The following CDKAL1 variants were observed in gnomAD, a reference collection of about 807,000 sequenced individuals.
The protein encoded by CDKAL1 is CDKAL1 threonylcarbamoyladenosine tRNA methylthiotransferase.
A neutral mutation model predicts 68.2 loss-of-function variants in CDKAL1; 32 were observed. The observed-to-expected ratio is 0.47, with a 90% CI of 0.35 to 0.63. The LOEUF (loss-of-function observed/expected upper bound fraction) is 0.63. Ranked by LOEUF, CDKAL1 falls within the 30% of genes least tolerant of loss-of-function variation. The pLI, the probability that CDKAL1 is intolerant of heterozygous loss-of-function variation, is 0.00. For synonymous variants in CDKAL1, 234 were observed against 244.3 expected (o/e 0.96, Z 0.39); for missense variants, 606 against 696.7 (o/e 0.87, Z 1.47).
chr6:21,062,148 T>C (rs575272400), intron 11 of CDKAL1, among the ~76,000 whole-genome samples: 1 of 152,354 alleles, frequency 6.6e-6, no homozygotes, highest in East Asian at 1.9e-4. Context: ...TAAGGTACTT[T>C]CCTGTGGGAA....
chr6:20,707,450 G>A (rs1017092430), intron 5 of CDKAL1, among the ~76,000 whole-genome samples: 16 of 152,122 alleles, frequency 1.1e-4, no homozygotes, highest in African/African-American at 3.9e-4. Context: ...TTATCTAAGG[G>A]TAGCCTATTC....
chr6:21,066,141 A>G (rs1469174791), intron 12 of CDKAL1, among the ~76,000 whole-genome samples: 1 of 152,172 alleles, frequency 6.6e-6, no homozygotes, highest in Non-Finnish European at 1.5e-5. Flanking sequence ...ATCAAACACA[A>G]CATATATATT....
intron 11 of CDKAL1, among the ~76,000 whole-genome samples, chr6:21,064,202 A>G (rs1407182958): frequency 6.6e-6 from 1 of 152,180 alleles, no homozygotes; most frequent in Non-Finnish European, 1.5e-5. Flanking sequence ...GACAACAACA[A>G]AATTTCCCTG....
intron 13 of CDKAL1, among the ~76,000 whole-genome samples, chr6:21,139,145 GT>G (rs957829305): frequency 6.6e-6 from 1 of 152,228 alleles, no homozygotes; most frequent in Non-Finnish European, 1.5e-5. Context: ...GAACCTTTCT[GT>G]TTTCCAGCAG....
intron 13 of CDKAL1, among the ~76,000 whole-genome samples, chr6:21,116,136 A>G (rs1201630764): frequency 6.6e-6 from 1 of 152,172 alleles, no homozygotes; most frequent in Non-Finnish European, 1.5e-5. Flanking sequence ...CCTTTTTAAG[A>G]TGGCATTATT....
At chr6:21,023,802 A>G (rs1489142134) in intron 11 of CDKAL1, among the ~76,000 whole-genome samples, 2 of 152,296 alleles carry the variant, frequency 1.3e-5, no homozygotes, top group East Asian at 3.9e-4. Context: ...TTTATTTACT[A>G]TAGATCATAT....
At chr6:20,584,046 CTTT>C (rs56742923) in intron 4 of CDKAL1, among the ~76,000 whole-genome samples, 33,892 of 140,542 alleles carry the variant, frequency 0.24, 4,695 homozygotes, top group East Asian at 0.54. Context: ...TGCTGGTTTC[CTTT>C]TTTTTTTTTT....
intron 9 of CDKAL1, among the ~76,000 whole-genome samples, chr6:20,890,837 G>C (rs1761354312): frequency 6.6e-6 from 1 of 152,148 alleles, no homozygotes; most frequent in African/African-American, 2.4e-5. Context: ...ACCAATAATA[G>C]CTTAAAATTC....
chr6:20,565,213 T>A (rs1764415434), intron 4 of CDKAL1, among the ~76,000 whole-genome samples: 1 of 152,144 alleles, frequency 6.6e-6, no homozygotes, highest in South Asian at 2.1e-4. Flanking sequence ...ACAAGACAGT[T>A]CCATTACTAT....
At chr6:20,984,412 G>A (rs770758727) in intron 10 of CDKAL1, among the ~76,000 whole-genome samples, 1 of 152,112 alleles carries the variant, frequency 6.6e-6, no homozygotes, top group Non-Finnish European at 1.5e-5. Context: ...GCAGTTTCTA[G>A]GGAGGTGCCC....
At chr6:20,739,663 C>A (rs773490792) in intron 6 of CDKAL1, 48 bp downstream of exon 6, 11 of 986,944 alleles carry the variant, frequency 1.1e-5, no homozygotes, top group African/African-American at 1.6e-5. Flanking sequence ...ATTGTTAACA[C>A]CTGTAATAGC....
intron 4 of CDKAL1, among the ~76,000 whole-genome samples, chr6:20,613,278 T>C (rs1161886359): frequency 2.5e-5 from 1 of 40,276 alleles, no homozygotes; most frequent in Middle Eastern, 0.019. Flanking sequence ...TTTTTTTTTT[T>C]TTTTTTTTTT....
chr6:20,655,741 T>C (rs568388508), intron 5 of CDKAL1, among the ~76,000 whole-genome samples: 4 of 152,244 alleles, frequency 2.6e-5, no homozygotes, highest in Admixed American at 1.3e-4. Context: ...AGCCGGTTCT[T>C]GGTGCCAAAA....
At chr6:21,038,782 G>A (rs1174579387) in intron 11 of CDKAL1, among the ~76,000 whole-genome samples, 1 of 152,068 alleles carries the variant, frequency 6.6e-6, no homozygotes, top group Non-Finnish European at 1.5e-5. Context: ...CAAAATATTG[G>A]ACACCCCTTC....
rs567622549 is a variant in CDKAL1 at position 21,004,971 on chromosome 6, ATT to A, written c.1055+4601_1055+4602del. ...AGCAAGATCCTGTCTTTCAAAAAAA[ATT>A]TGTCTTTGTATTTTAAAATATGTAT... On this transcript the variant is annotated intron_variant, in intron 11 of 15. Coordinates refer to ENST00000274695, the MANE Select transcript of CDKAL1 (RefSeq NM_017774.3). Among the ~76,000 whole-genome samples, 237 of 152,162 alleles carry A rather than the reference ATT, an allele frequency of 1.6e-3. 1 individual carries two copies. The highest frequency in any genetic ancestry group is 5.6e-3 in the African/African-American group (231 of 41,516).
intron 8 of CDKAL1, among the ~76,000 whole-genome samples, chr6:20,782,000 C>T (rs534330562): frequency 1.3e-5 from 2 of 152,290 alleles, no homozygotes; most frequent in East Asian, 1.9e-4. Flanking sequence ...CTTCATCCTC[C>T]TTCCCTTTTA....
chr6:20,705,174 G>A (rs922995255), intron 5 of CDKAL1, among the ~76,000 whole-genome samples: 2 of 152,170 alleles, frequency 1.3e-5, no homozygotes, highest in Admixed American at 6.5e-5. Flanking sequence ...CAAGGCATGC[G>A]AGGTAGCTGA....
At chr6:20,585,269 G>A (rs1006269486) in intron 4 of CDKAL1, among the ~76,000 whole-genome samples, 2 of 151,908 alleles carry the variant, frequency 1.3e-5, no homozygotes, top group Non-Finnish European at 2.9e-5. Flanking sequence ...AGCCAGGATG[G>A]TCTCGATCTC....
intron 10 of CDKAL1, among the ~76,000 whole-genome samples, chr6:20,961,188 T>G (rs1014925102): frequency 1.3e-5 from 2 of 152,152 alleles, no homozygotes; most frequent in African/African-American, 4.8e-5. Context: ...TGGAGTCAAC[T>G]TAAATGCCCA....
Sources: allele counts gnomAD v4.1 joint callset (sites outside exome capture counted in the v4.1 genomes callset), GRCh38; gene constraint gnomAD v4.1.1; transcripts MANE v1.5; gene names NCBI Gene and HGNC (gene_info 2026-07-23, HGNC 2026-07-21).